Variants in PCDH15 observed in about 807,000 individuals in gnomAD.
PCDH15 encodes the protein protocadherin related 15, also known as protocadherin-15.
In PCDH15, 129 loss-of-function variants were observed where a neutral mutation model predicts 178.5. That is an observed-to-expected ratio of 0.72 (90% CI 0.63 to 0.84). The LOEUF (loss-of-function observed/expected upper bound fraction) is 0.84, where lower values mean the gene tolerates loss of function less well. Ranked by LOEUF, PCDH15 falls within the 40% of genes least tolerant of loss-of-function variation. PCDH15 has a pLI of 0.00. For synonymous variants in PCDH15, 800 were observed against 732.0 expected, an observed-to-expected ratio of 1.09 and a Z score of -1.50; for missense variants, 2,230 against 2,099.9, an observed-to-expected ratio of 1.06 and a Z score of -1.21.
chr10:54,375,062 T>C (rs1948201032), intron 4 of PCDH15, among the ~76,000 whole-genome samples: 1 of 152,084 alleles, frequency 6.6e-6, no homozygotes, highest in Non-Finnish European at 1.5e-5. Flanking sequence ...GAAAATAAAT[T>C]TTTCTCTAAC....
chr10:54,428,822 T>TA (rs1281557354), intron 3 of PCDH15, among the ~76,000 whole-genome samples: 2 of 151,936 alleles, frequency 1.3e-5, no homozygotes, highest in Non-Finnish European at 1.5e-5. Flanking sequence ...AAATAAAAAA[T>TA]AAAAAACTTT....
intron 2 of PCDH15, among the ~76,000 whole-genome samples, chr10:54,640,043 C>T (rs1199138824): frequency 2.0e-5 from 3 of 151,986 alleles, no homozygotes; most frequent in Non-Finnish European, 4.4e-5. Context: ...CACGGTCATA[C>T]CTGTGAATAG....
intron 1 of PCDH15, among the ~76,000 whole-genome samples, chr10:54,676,816 C>T (rs2094798887): frequency 6.6e-6 from 1 of 152,206 alleles, no homozygotes; most frequent in South Asian, 2.1e-4. Flanking sequence ...AAATTAACAG[C>T]AAGAAACTTT....
intron 6 of PCDH15, among the ~76,000 whole-genome samples, chr10:54,333,124 T>G (rs1413288300): frequency 6.6e-6 from 1 of 151,946 alleles, no homozygotes; most frequent in Non-Finnish European, 1.5e-5. Flanking sequence ...TATTTTTTAC[T>G]TTTAGTAGAG....
At chr10:54,686,047 T>TTTTTTA (rs2094995809) in intron 1 of PCDH15, among the ~76,000 whole-genome samples, 1 of 147,288 alleles carries the variant, frequency 6.8e-6, no homozygotes. Context: ...GCCAATTTTT[T>TTTTTTA]TTTTTTTTTT....
intron 2 of PCDH15, among the ~76,000 whole-genome samples, chr10:54,967,945 AT>A (rs1341060281): frequency 1.3e-5 from 2 of 152,106 alleles, no homozygotes; most frequent in African/African-American, 2.4e-5. Flanking sequence ...CAACAGTCAA[AT>A]TTAAGTAGGA....
rs766108926 is a variant in PCDH15 at position 53,961,710 on chromosome 10, A to T, written c.3009+42T>A. The T allele has an allele frequency of 4.1e-6, 6 of 1,453,112 alleles. No homozygotes were observed. In the South Asian group the frequency reaches 9.6e-5, roughly 23 times the overall value. The allele number at this position is 1,453,112 out of a possible 1,614,324, so 90.0% of individuals were successfully genotyped here. A position where few individuals can be genotyped will look rare whatever the true frequency, so the allele number is the denominator to read the frequency against. On this transcript the variant is annotated intron_variant, in intron 22 of 37. Transcript: ENST00000644397. ...TGTTAAGCCAAATTCTCTATCAAAAATTAAACATCAAATAGACCACATAAT... is the reference window on the plus strand; with the variant it reads ...TGTTAAGCCAAATTCTCTATCAAAATTTAAACATCAAATAGACCACATAAT...
chr10:55,268,616 A>G (rs1415762474), intron 1 of PCDH15, among the ~76,000 whole-genome samples: 1 of 152,156 alleles, frequency 6.6e-6, no homozygotes. Flanking sequence ...TATATATTTA[A>G]TTGTTACTTA....
intron 2 of PCDH15, among the ~76,000 whole-genome samples, chr10:55,326,807 T>C (rs899759806): frequency 2.0e-5 from 3 of 151,976 alleles, no homozygotes; most frequent in African/African-American, 7.2e-5. Flanking sequence ...TACGAAGAGA[T>C]AATGAAAAGT....
chr10:55,327,803 T>C (rs368015990), intron 2 of PCDH15, among the ~76,000 whole-genome samples: 4 of 152,134 alleles, frequency 2.6e-5, no homozygotes, highest in African/African-American at 9.6e-5. Flanking sequence ...AATACTACGC[T>C]AAAAATAGTA....
chr10:54,553,018 C>T (rs1416735295), intron 2 of PCDH15, among the ~76,000 whole-genome samples: 1 of 152,116 alleles, frequency 6.6e-6, no homozygotes, highest in Non-Finnish European at 1.5e-5. Flanking sequence ...TTTTTCCATT[C>T]CTAATCAGTT....
intron 18 of PCDH15, among the ~76,000 whole-genome samples, chr10:54,064,922 C>T (rs1469104715): frequency 6.6e-6 from 1 of 152,182 alleles, no homozygotes; most frequent in Non-Finnish European, 1.5e-5. Flanking sequence ...ACCCTGCCAA[C>T]TTGGAAGGGG....
intron 3 of PCDH15, among the ~76,000 whole-genome samples, chr10:54,851,956 A>T (rs1208231117): frequency 6.6e-6 from 1 of 152,194 alleles, no homozygotes; most frequent in East Asian, 1.9e-4. Flanking sequence ...TAAATTGGCC[A>T]CTTTTTGAAT....
chr10:55,112,118 G>A (rs1837524108), intron 2 of PCDH15, among the ~76,000 whole-genome samples: 3 of 152,008 alleles, frequency 2.0e-5, no homozygotes, highest in Non-Finnish European at 4.4e-5. Context: ...TCCTACTATT[G>A]ATATATTTCA....
intron 1 of PCDH15, among the ~76,000 whole-genome samples, chr10:54,729,962 T>A (rs28790313): frequency 0.12 from 18,431 of 151,402 alleles, 1,246 homozygotes; most frequent in African/African-American, 0.17. Flanking sequence ...AGTGCAAATT[T>A]GTTCGGCCAC....
At chr10:55,532,010 A>G (rs969615298) in intron 2 of PCDH15, among the ~76,000 whole-genome samples, 1 of 152,022 alleles carries the variant, frequency 6.6e-6, no homozygotes. Flanking sequence ...CAAATTAAAG[A>G]TCTGATCTTT....
At chr10:55,222,730 C>CACACACACACACACACACACATATAT in intron 1 of PCDH15, among the ~76,000 whole-genome samples, 1 of 121,262 alleles carries the variant, frequency 8.2e-6, no homozygotes, top group African/African-American at 3.4e-5. Context: ...CACACACACA[C>CACACACACACACACACACACATATAT]ATATATATAT....
At chr10:54,265,580 A>G (rs905997192) in intron 8 of PCDH15, among the ~76,000 whole-genome samples, 1 of 152,100 alleles carries the variant, frequency 6.6e-6, no homozygotes, top group African/African-American at 2.4e-5. Flanking sequence ...GGATAGAGAA[A>G]GATTAATCAT....
intron 13 of PCDH15, among the ~76,000 whole-genome samples, chr10:54,164,091 A>G (rs2045973098): frequency 6.6e-6 from 1 of 152,216 alleles, no homozygotes; most frequent in Non-Finnish European, 1.5e-5. Context: ...ATTCATATGC[A>G]GAAGCTTTCG....
Sources: allele counts gnomAD v4.1 joint callset (sites outside exome capture counted in the v4.1 genomes callset), GRCh38; gene constraint gnomAD v4.1.1; transcripts MANE v1.5; gene names NCBI Gene and HGNC (gene_info 2026-07-23, HGNC 2026-07-21).